The following DCLK3 variants were observed in gnomAD, a reference collection of about 807,000 sequenced individuals.
The protein encoded by DCLK3 is serine/threonine-protein kinase DCLK3.
A neutral mutation model predicts 46.4 loss-of-function variants in DCLK3; 30 were observed. The observed-to-expected ratio is 0.65, with a 90% confidence interval of 0.48 to 0.88. The LOEUF is 0.88. Ranked by LOEUF, DCLK3 falls within the 40% of genes least tolerant of loss-of-function variation. The pLI is 0.00. For synonymous variants in DCLK3, 401 were observed against 339.2 expected, an observed-to-expected ratio of 1.18 and a Z score of -2.00; for missense variants, 846 against 907.1, an observed-to-expected ratio of 0.93 and a Z score of 0.87.
rs1446482356 is a variant in DCLK3 at position 36,764,224 on chromosome 3, G to A, written c.40C>T (p.Pro14Ser). 1 of 323,438 alleles carries A rather than the reference G, an allele frequency of 3.1e-6. No individual in the cohort carries two copies. The highest frequency in any genetic ancestry group is 1.4e-4 in the South Asian group (1 of 7,184). The allele number at this position is 323,438 out of a possible 1,614,324, so 20.0% of individuals were successfully genotyped here. Residue 14 changes from proline (P) to serine (S), a missense_variant, in exon 1 of 5, where the codon CCG becomes TCG. Transcript: ENST00000636136. This position sits in a 1 kb window ranked among gnomAD's most constrained non-coding sequence, Gnocchi z 4.9. ...GGGCAGGCTGGGGCTGGCCGGGCCG[G>A]GGGCGGCGGCGGCTGCGGGGCTGGA... ...ATPAPQPPPPPARPAPACPAR... is the reference protein window; with the variant it reads ...ATPAPQPPPPSARPAPACPAR...
chr3:36,721,824 G>C (rs1053841781), intron 2 of DCLK3, among the ~76,000 whole-genome samples, 165 bp from the exon 3 acceptor site: 1 of 152,098 alleles, frequency 6.6e-6, no homozygotes, highest in African/African-American at 2.4e-5. Flanking sequence ...CAATGACAAG[G>C]GCTCACATTT....
At chr3:36,730,277 A>AG (rs1189139663) in intron 2 of DCLK3, among the ~76,000 whole-genome samples, 2 of 152,028 alleles carry the variant, frequency 1.3e-5, no homozygotes, top group East Asian at 3.9e-4. Flanking sequence ...AAAAAAAATC[A>AG]GTGAGGACAA....
intron 1 of DCLK3, among the ~76,000 whole-genome samples, chr3:36,742,234 T>C (rs1701351129): frequency 6.6e-6 from 1 of 151,960 alleles, no homozygotes; most frequent in Non-Finnish European, 1.5e-5. Flanking sequence ...AGAATCTGAG[T>C]GTGGTAATGG....
At chr3:36,733,241 G>A (rs1207541255) in intron 2 of DCLK3, among the ~76,000 whole-genome samples, 1 of 152,166 alleles carries the variant, frequency 6.6e-6, no homozygotes, top group African/African-American at 2.4e-5. Context: ...CTAGTCTGGG[G>A]GCAGTAGCAG....
chr3:36,730,222 ACACAC>A (rs1280274561), intron 2 of DCLK3, among the ~76,000 whole-genome samples: 1 of 151,330 alleles, frequency 6.6e-6, no homozygotes, highest in Non-Finnish European at 1.5e-5. Context: ...ACACACACAC[ACACAC>A]AAACACATAA....
intron 1 of DCLK3, among the ~76,000 whole-genome samples, chr3:36,740,156 A>T (rs1701329442): frequency 6.8e-6 from 1 of 147,950 alleles, no homozygotes; most frequent in Non-Finnish European, 1.5e-5. Context: ...TTTATAAAGT[A>T]AGAATGCTAC....
chr3:36,733,389 C>A (rs1342715254), intron 2 of DCLK3, among the ~76,000 whole-genome samples: 5 of 152,222 alleles, frequency 3.3e-5, no homozygotes. Context: ...TCTCAAATGA[C>A]CGTGCTCAAT....
intron 3 of DCLK3, among the ~76,000 whole-genome samples, chr3:36,718,531 C>T (rs1252763483): frequency 6.6e-6 from 1 of 152,232 alleles, no homozygotes; most frequent in Admixed American, 6.5e-5. Flanking sequence ...TCTTGTTGAA[C>T]AGCACATACA....
At chr3:36,761,462 C>G (rs1406397008) in intron 1 of DCLK3, among the ~76,000 whole-genome samples, 1 of 152,210 alleles carries the variant, frequency 6.6e-6, no homozygotes, top group African/African-American at 2.4e-5. Context: ...CCCACTCTTT[C>G]ACTTTCCCTA....
chr3:36,741,711 C>A (rs1488972693), intron 1 of DCLK3, among the ~76,000 whole-genome samples: 1 of 152,120 alleles, frequency 6.6e-6, no homozygotes, highest in Non-Finnish European at 1.5e-5. Context: ...AGGTAAGACT[C>A]AATGTGGAGA....
chr3:36,735,752 T>C (rs1231408923), intron 2 of DCLK3, among the ~76,000 whole-genome samples: 1 of 152,252 alleles, frequency 6.6e-6, no homozygotes, highest in Non-Finnish European at 1.5e-5. Flanking sequence ...TCAGGGTTGT[T>C]TTTAATGTAA....
At chr3:36,715,781 T>C (rs1575133278) in intron 4 of DCLK3, among the ~76,000 whole-genome samples, 1 of 152,194 alleles carries the variant, frequency 6.6e-6, no homozygotes, top group African/African-American at 2.4e-5. Context: ...TTTGAGTTAA[T>C]TTACATTTGC....
chr3:36,724,391 A>G (rs1199562462), intron 2 of DCLK3, among the ~76,000 whole-genome samples: 8 of 152,192 alleles, frequency 5.3e-5, no homozygotes, highest in Admixed American at 5.2e-4. Context: ...TTGAGAAGAC[A>G]TGATTGGTTT....
chr3:36,728,872 C>T (rs902642074), intron 2 of DCLK3, among the ~76,000 whole-genome samples: 11 of 152,124 alleles, frequency 7.2e-5, no homozygotes, highest in African/African-American at 1.7e-4. Context: ...TCCTGGTCAC[C>T]CTCCCTCACT....
intron 1 of DCLK3, among the ~76,000 whole-genome samples, chr3:36,763,295 G>A (rs1192704858): frequency 6.6e-6 from 1 of 152,200 alleles, no homozygotes; most frequent in East Asian, 1.9e-4. Context: ...GAATAACAAC[G>A]GAGTTCCCTC....
At chr3:36,724,526 A>C (rs541398396) in intron 2 of DCLK3, among the ~76,000 whole-genome samples, 1 of 152,292 alleles carries the variant, frequency 6.6e-6, no homozygotes, top group Admixed American at 6.5e-5. Context: ...GGAGGAACCC[A>C]GTAGGAGGTA....
chr3:36,761,436 G>A (rs1374489639), intron 1 of DCLK3, among the ~76,000 whole-genome samples: 1 of 152,110 alleles, frequency 6.6e-6, no homozygotes, highest in Non-Finnish European at 1.5e-5. Flanking sequence ...CCAATTCCCA[G>A]TACAGATGTC....
intron 2 of DCLK3, among the ~76,000 whole-genome samples, chr3:36,734,399 G>C (rs1421804074): frequency 1.3e-5 from 2 of 152,126 alleles, no homozygotes; most frequent in African/African-American, 4.8e-5. Context: ...AATGCAAGCT[G>C]ACAAATTATC....
At chr3:36,729,258 G>C (rs985168321) in intron 2 of DCLK3, among the ~76,000 whole-genome samples, 10 of 146,930 alleles carry the variant, frequency 6.8e-5, no homozygotes, top group Non-Finnish European at 6.1e-5. Context: ...TGGGGGGGGG[G>C]GGTACAAAAG....
Sources: gnomAD v4.1 joint callset for allele counts (sites outside exome capture counted in the v4.1 genomes callset) on GRCh38, gnomAD v4.1.1 for gene constraint, Gnocchi (gnomAD v3.1) non-coding constraint, MANE v1.5 for transcripts, NCBI Gene and HGNC (gene_info 2026-07-23, HGNC 2026-07-21) for gene names.